HSDL2: variants seen among roughly 807,000 people sequenced by gnomAD.
HSDL2 encodes hydroxysteroid dehydrogenase like 2.
Under a neutral mutation model 46.3 loss-of-function variants are expected in HSDL2, and 27 were observed. That is an observed-to-expected ratio of 0.58 (90% CI 0.43 to 0.80). The LOEUF is 0.80. HSDL2 is among the 30% of genes least tolerant of loss of function. The pLI, the probability that HSDL2 is intolerant of heterozygous loss-of-function variation, is 0.00. For missense variants in HSDL2, 451 were observed against 502.7 expected (o/e 0.90, Z 0.98); for synonymous variants, 153 against 163.6 (o/e 0.94, Z 0.50).
chr9:112,444,014 C>T (rs1832697588), intron 8 of HSDL2, among the ~76,000 whole-genome samples: 1 of 152,220 alleles, frequency 6.6e-6, no homozygotes, highest in South Asian at 2.1e-4. Context: ...AAGCAATGCT[C>T]TTACCCTTAA....
intron 1 of HSDL2, among the ~76,000 whole-genome samples, chr9:112,396,937 G>C (rs1487893724): frequency 6.6e-6 from 1 of 152,106 alleles, no homozygotes; most frequent in Non-Finnish European, 1.5e-5. Context: ...AGTCTGAGGT[G>C]TCCCATTTCA....
At chr9:112,430,148 G>C (rs1400993673) in intron 6 of HSDL2, among the ~76,000 whole-genome samples, 1 of 151,962 alleles carries the variant, frequency 6.6e-6, no homozygotes, top group South Asian at 2.1e-4. Context: ...CTAACCGTCA[G>C]ACCACCAGGG....
intron 1 of HSDL2, among the ~76,000 whole-genome samples, chr9:112,392,462 C>G (rs541557502): frequency 1.5e-3 from 231 of 152,300 alleles, no homozygotes; most frequent in Middle Eastern, 3.4e-3. Flanking sequence ...TCCCTCACTC[C>G]TTATCTCAAC....
chr9:112,391,016 A>T (rs1831330190), intron 1 of HSDL2, among the ~76,000 whole-genome samples: 1 of 151,862 alleles, frequency 6.6e-6, no homozygotes, highest in African/African-American at 2.4e-5. Flanking sequence ...TCTCTACTAA[A>T]AATACAAAAA....
At chr9:112,383,840 T>C (rs1010175911) in intron 1 of HSDL2, among the ~76,000 whole-genome samples, 3 of 152,200 alleles carry the variant, frequency 2.0e-5, no homozygotes, top group Admixed American at 6.5e-5. Flanking sequence ...TAGGTGGGAC[T>C]ATAGACATGC....
At chr9:112,390,097 T>TAAATAAATAAATA (rs1371100347) in intron 1 of HSDL2, among the ~76,000 whole-genome samples, 1 of 150,028 alleles carries the variant, frequency 6.7e-6, no homozygotes, top group Non-Finnish European at 1.5e-5. Context: ...AATAAATAAA[T>TAAATAAATAAATA]AAAGTAAAAA....
chr9:112,440,966 C>A (rs1832624774), intron 7 of HSDL2, among the ~76,000 whole-genome samples: 1 of 152,070 alleles, frequency 6.6e-6, no homozygotes, highest in Non-Finnish European at 1.5e-5. Flanking sequence ...TGAGATCGTG[C>A]CACTGCACTC....
chr9:112,428,530 A>AT (rs1381863503), intron 6 of HSDL2, among the ~76,000 whole-genome samples: 1 of 152,212 alleles, frequency 6.6e-6, no homozygotes, highest in Non-Finnish European at 1.5e-5. Context: ...GGATTGTGAA[A>AT]TTGATTTAGT....
At chr9:112,386,699 G>A (rs1223091175) in intron 1 of HSDL2, among the ~76,000 whole-genome samples, 1 of 152,140 alleles carries the variant, frequency 6.6e-6, no homozygotes, top group Admixed American at 6.5e-5. Flanking sequence ...GGGAGGATTA[G>A]TTGAGCTGGG....
intron 1 of HSDL2, among the ~76,000 whole-genome samples, chr9:112,381,720 G>A (rs1432672763): frequency 6.6e-6 from 1 of 152,080 alleles, no homozygotes; most frequent in African/African-American, 2.4e-5. Context: ...CAAAATGCTT[G>A]GTTCCAGACG....
At chr9:112,383,480 C>A (rs890583818) in intron 1 of HSDL2, among the ~76,000 whole-genome samples, 5 of 148,634 alleles carry the variant, frequency 3.4e-5, no homozygotes, top group Non-Finnish European at 6.0e-5. Context: ...ATTTTTTTAT[C>A]CCCCTGAGAT....
chr9:112,399,236 A>G (rs1204199861), intron 1 of HSDL2, among the ~76,000 whole-genome samples: 1 of 152,224 alleles, frequency 6.6e-6, no homozygotes, highest in Non-Finnish European at 1.5e-5. Context: ...TAGGACCGTG[A>G]TGCCCACCTG....
intron 8 of HSDL2, among the ~76,000 whole-genome samples, chr9:112,451,940 C>T (rs114332184): frequency 6.6e-6 from 1 of 152,148 alleles, no homozygotes; most frequent in Non-Finnish European, 1.5e-5. Flanking sequence ...GATGTTTGAT[C>T]TGGATACATC....
chr9:112,441,408 A>AGT (rs1832635163), intron 7 of HSDL2, among the ~76,000 whole-genome samples: 1 of 152,184 alleles, frequency 6.6e-6, no homozygotes, highest in Non-Finnish European at 1.5e-5. Flanking sequence ...CCAGAAGAGC[A>AGT]GTGTAGGATG....
chr9:112,470,665 A>G lies in HSDL2; in HGVS notation c.*121A>G, dbSNP rs1833553244. ...TAAGGATATGCACGTTTGTTCTGGA[A>G]AAGATAGAATTTGTCTCTAAAAGAC... On this transcript the variant is annotated 3_prime_UTR_variant, in exon 11 of 11. Coordinates refer to ENST00000398805, the MANE Select transcript of HSDL2 (RefSeq NM_032303.5). 1 of 567,874 alleles carries G rather than the reference A, an allele frequency of 1.8e-6. No homozygotes were observed. The highest frequency in any genetic ancestry group is 3.0e-5 in the East Asian group (1 of 32,962). The allele number at this position is 567,874 out of a possible 1,614,324, so 35.2% of individuals were successfully genotyped here. A position where few individuals can be genotyped will look rare whatever the true frequency, so the allele number is the denominator to read the frequency against.
intron 3 of HSDL2, 146 bp downstream of exon 3, chr9:112,405,868 C>A: frequency 5.1e-6 from 3 of 583,712 alleles, no homozygotes; most frequent in Non-Finnish European, 8.9e-6. Flanking sequence ...TGATTTAAAA[C>A]CATCTGATAA....
chr9:112,438,567 T>A lies in HSDL2; in HGVS notation c.735T>A (p.Asp245Glu). 1 of 1,611,718 alleles carries A rather than the reference T, an allele frequency of 6.2e-7. No homozygotes were observed. Among genetic ancestry groups the A allele is most frequent in the Non-Finnish European group, 8.5e-7 (1 of 1,178,560 alleles). Residue 245 changes from aspartate to glutamate, a missense_variant, in exon 7 of 11, where the codon GAT (aspartate) becomes GAA (glutamate). By Grantham distance (45) the Asp-to-Glu change is conservative. Transcript: ENST00000398805. ...PKSFTGNFVI[D>E]ENILKEEGIE... The stretch of plus-strand genomic sequence containing the variant: ...GTTTTACTGGCAACTTTGTCATTGA[T>A]GAAAATATCTTAAAAGAAGAAGGAA...
Position 112,380,139 on chromosome 9 carries a change from C to T in HSDL2, c.-25C>T. 1 of 1,563,092 alleles carries T rather than the reference C, an allele frequency of 6.4e-7. No individual in the cohort carries two copies. Among genetic ancestry groups the T allele is most frequent in the Non-Finnish European group, 8.7e-7 (1 of 1,152,360 alleles). On this transcript the variant is annotated 5_prime_UTR_variant, in exon 1 of 11. Transcript: ENST00000398805. ...CTGCTCGCCGCCGCCGCTGTCGCCGCCACCTCCTCTGATCTACGAAAGTCA... is the reference window on the plus strand; with the variant it reads ...CTGCTCGCCGCCGCCGCTGTCGCCGTCACCTCCTCTGATCTACGAAAGTCA...
At chr9:112,410,897 C>T (rs1831848882) in intron 4 of HSDL2, among the ~76,000 whole-genome samples, 1 of 152,196 alleles carries the variant, frequency 6.6e-6, no homozygotes, top group Non-Finnish European at 1.5e-5. Context: ...CTACTGCACT[C>T]CAGCCTGGGT....
Sources: gnomAD v4.1 joint callset for allele counts (sites outside exome capture counted in the v4.1 genomes callset) on GRCh38, gnomAD v4.1.1 for gene constraint, MANE v1.5 for transcripts, NCBI Gene and HGNC (gene_info 2026-07-23, HGNC 2026-07-21) for gene names.